The following TENM3 variants were observed in gnomAD, a reference collection of about 807,000 sequenced individuals.
The protein encoded by TENM3 is teneurin-3.
In TENM3, 63 loss-of-function variants were observed where a neutral mutation model predicts 255.1. The observed-to-expected ratio is 0.25, with a 90% CI of 0.20 to 0.30. The LOEUF (loss-of-function observed/expected upper bound fraction) is 0.30. Ranked by LOEUF, TENM3 falls within the 10% of genes least tolerant of loss-of-function variation. The pLI, the probability that TENM3 is intolerant of heterozygous loss-of-function variation, is 1.00. For synonymous variants in TENM3, 1,306 were observed against 1,322.3 expected (o/e 0.99, Z 0.27); for missense variants, 2,929 against 3,461.1 (o/e 0.85, Z 3.86).
At chr4:181,565,105 C>T in the TENM3 span, among the ~76,000 whole-genome samples, 48 of 152,234 alleles carry the variant, frequency 3.2e-4, no homozygotes, top group African/African-American at 9.1e-4. Flanking sequence ...ATTTACAGCC[C>T]GTTTAAACTG....
chr4:181,566,675 CTGT>C, the TENM3 span, among the ~76,000 whole-genome samples: 1 of 152,166 alleles, frequency 6.6e-6, no homozygotes, highest in Non-Finnish European at 1.5e-5. Context: ...TGGTTTTCAG[CTGT>C]TGTTATTCTT....
At chr4:181,507,976 T>C in the TENM3 span, among the ~76,000 whole-genome samples, 1 of 152,178 alleles carries the variant, frequency 6.6e-6, no homozygotes, top group East Asian at 1.9e-4. Flanking sequence ...AAGAAATAGA[T>C]CTTTCTGAAG....
chr4:181,931,699 G>A, the TENM3 span, among the ~76,000 whole-genome samples: 18 of 152,044 alleles, frequency 1.2e-4, no homozygotes, highest in Non-Finnish European at 2.2e-4. Flanking sequence ...AAAAGAGTCC[G>A]TATAGCCAAG....
intron 1 of TENM3, among the ~76,000 whole-genome samples, chr4:182,226,828 G>A (rs1219645889): frequency 6.6e-6 from 1 of 151,894 alleles, no homozygotes; most frequent in Non-Finnish European, 1.5e-5. Context: ...CAAGTCAGTG[G>A]GTCCCTCTCT....
At chr4:181,505,588 C>T in the TENM3 span, among the ~76,000 whole-genome samples, 1 of 151,990 alleles carries the variant, frequency 6.6e-6, no homozygotes, top group African/African-American at 2.4e-5. Flanking sequence ...GCAAACTTTC[C>T]GTTTATTTCT....
intron 1 of TENM3, among the ~76,000 whole-genome samples, chr4:182,300,991 G>T (rs375260280): frequency 6.6e-6 from 1 of 152,076 alleles, no homozygotes; most frequent in Non-Finnish European, 1.5e-5. Context: ...TTAGTTTTCT[G>T]TTGCATTTGA....
the TENM3 span, among the ~76,000 whole-genome samples, chr4:181,664,752 G>A: frequency 6.6e-6 from 1 of 152,054 alleles, no homozygotes; most frequent in South Asian, 2.1e-4. Context: ...GATGTCCATG[G>A]CTTTCTCCCT....
intron 3 of TENM3, among the ~76,000 whole-genome samples, chr4:182,442,948 C>T (rs1772626240): frequency 6.6e-6 from 1 of 151,790 alleles, no homozygotes; most frequent in South Asian, 2.1e-4. Context: ...TGGTCTTGAA[C>T]TCCTGGGCTC....
At chr4:182,691,625 T>G (rs1757013520) in intron 12 of TENM3, among the ~76,000 whole-genome samples, 1 of 152,208 alleles carries the variant, frequency 6.6e-6, no homozygotes. Context: ...TTCAGCAAAT[T>G]AGGCATATTC....
intron 3 of TENM3, among the ~76,000 whole-genome samples, chr4:182,579,411 A>G (rs1745265387): frequency 6.6e-6 from 1 of 152,206 alleles, no homozygotes; most frequent in Non-Finnish European, 1.5e-5. Flanking sequence ...TAAGCTAACA[A>G]GAAAATTGTT....
At chr4:181,524,558 T>C in the TENM3 span, among the ~76,000 whole-genome samples, 2 of 152,204 alleles carry the variant, frequency 1.3e-5, no homozygotes, top group African/African-American at 2.4e-5. Flanking sequence ...AAGTTATTCT[T>C]ATCTGTATCT....
chr4:181,692,491 A>G, the TENM3 span, among the ~76,000 whole-genome samples: 1 of 152,214 alleles, frequency 6.6e-6, no homozygotes. Flanking sequence ...ACTTTAAAAC[A>G]TAAGGTTCCT....
chr4:182,049,731 C>A, the TENM3 span, among the ~76,000 whole-genome samples: 6 of 152,298 alleles, frequency 3.9e-5, no homozygotes, highest in Admixed American at 2.0e-4. Flanking sequence ...GATTTGAGTG[C>A]CAGTCACAGA....
At position 182,346,826 on chromosome 4, in the gene TENM3, C is replaced by T; in HGVS notation, c.408C>T (p.Gly136=). ...CAGAGCATGCCATGAGACTTTGGGG[C>T]AGGGGGGTCAAATCAGGCCGCAGCT... is the stretch of plus-strand genomic sequence containing the variant. ...MSPEHAMRLW[G]RGVKSGRSSC... is the part of the protein sequence containing the mutation. Residue 136 remains glycine, a synonymous_variant, in exon 3 of 28, where the codon GGC becomes GGT. Transcript: ENST00000511685. 1 of 1,613,286 alleles carries T rather than the reference C, an allele frequency of 6.2e-7. No individual in the cohort carries two copies. The highest frequency in any genetic ancestry group is 8.5e-7 in the Non-Finnish European group (1 of 1,179,612).
the TENM3 span, among the ~76,000 whole-genome samples, chr4:181,702,487 C>G: frequency 1.3e-5 from 2 of 152,084 alleles, no homozygotes; most frequent in African/African-American, 4.8e-5. Flanking sequence ...GTACTTAGTA[C>G]AGGGGAAAAC....
At chr4:181,571,160 C>A in the TENM3 span, among the ~76,000 whole-genome samples, 1 of 152,044 alleles carries the variant, frequency 6.6e-6, no homozygotes, top group Non-Finnish European at 1.5e-5. Flanking sequence ...TGTGGGATAT[C>A]TGAGTAGTGC....
the TENM3 span, among the ~76,000 whole-genome samples, chr4:181,486,372 C>T: frequency 6.6e-6 from 1 of 152,202 alleles, no homozygotes; most frequent in Non-Finnish European, 1.5e-5. Context: ...AGGACTCAAA[C>T]TGGGAAGAAG....
At chr4:182,119,658 G>C in the TENM3 span, among the ~76,000 whole-genome samples, 502 of 152,122 alleles carry the variant, frequency 3.3e-3, 4 homozygotes, top group African/African-American at 0.012. Flanking sequence ...GGACAGAGTG[G>C]AGACTTCTAA....
At chr4:181,688,399 A>C in the TENM3 span, among the ~76,000 whole-genome samples, 1 of 152,196 alleles carries the variant, frequency 6.6e-6, no homozygotes, top group Non-Finnish European at 1.5e-5. Flanking sequence ...AAAATGAAAA[A>C]TCAGTACTTT....
Sources: gnomAD v4.1 joint callset for allele counts (sites outside exome capture counted in the v4.1 genomes callset) on GRCh38, gnomAD v4.1.1 for gene constraint, MANE v1.5 for transcripts, NCBI Gene and HGNC (gene_info 2026-07-23, HGNC 2026-07-21) for gene names.